The following TEAD1 variants were observed in gnomAD, a reference collection of about 807,000 sequenced individuals.
The protein encoded by TEAD1 is TEA domain transcription factor 1, also known as transcriptional enhancer factor TEF-1.
TEAD1 carries 9 observed loss-of-function variants against 54.9 expected under a neutral mutation model. The ratio of observed to expected loss-of-function variants is 0.16; its 90% CI spans 0.10 to 0.29. The LOEUF is 0.29. TEAD1 is among the 10% of genes least tolerant of loss of function. TEAD1 has a pLI of 1.00. For missense variants in TEAD1, 387 were observed against 535.9 expected (o/e 0.72, Z 2.74); for synonymous variants, 200 against 187.8 (o/e 1.07, Z -0.53).
At chr11:12,743,841 T>A (rs1321242856) in intron 2 of TEAD1, among the ~76,000 whole-genome samples, 1 of 152,198 alleles carries the variant, frequency 6.6e-6, no homozygotes, top group Non-Finnish European at 1.5e-5. Flanking sequence ...GCCCCTTGAT[T>A]TGCCGGACAC....
At chr11:12,738,249 T>C (rs771481888) in intron 2 of TEAD1, among the ~76,000 whole-genome samples, 2 of 152,252 alleles carry the variant, frequency 1.3e-5, no homozygotes, top group South Asian at 2.1e-4. Context: ...CCTTAAAGCA[T>C]GGAAAATGGA....
At chr11:12,796,098 G>A (rs1945913554) in intron 3 of TEAD1, among the ~76,000 whole-genome samples, 1 of 152,132 alleles carries the variant, frequency 6.6e-6, no homozygotes, top group African/African-American at 2.4e-5. Context: ...GGCCAGGAGG[G>A]GGGCTAGTGT....
chr11:12,809,886 G>A (rs1300127485), intron 3 of TEAD1, among the ~76,000 whole-genome samples: 2 of 151,990 alleles, frequency 1.3e-5, no homozygotes, highest in Non-Finnish European at 2.9e-5. Context: ...AAATGTTCCT[G>A]AGGCATGAAG....
intron 5 of TEAD1, among the ~76,000 whole-genome samples, chr11:12,869,973 G>A (rs989038910): frequency 6.6e-5 from 10 of 152,044 alleles, no homozygotes; most frequent in African/African-American, 7.2e-5. Context: ...TCCGCCTCCC[G>A]GGTTCAAGCG....
chr11:12,906,080 A>G (rs1358853978), intron 10 of TEAD1, among the ~76,000 whole-genome samples: 1 of 152,164 alleles, frequency 6.6e-6, no homozygotes, highest in Non-Finnish European at 1.5e-5. Flanking sequence ...TAACAGAGTC[A>G]AGGATGCCAG....
intron 2 of TEAD1, among the ~76,000 whole-genome samples, chr11:12,736,674 T>C (rs959696150): frequency 1.3e-5 from 2 of 152,158 alleles, no homozygotes; most frequent in Non-Finnish European, 2.9e-5. Flanking sequence ...CCTTATGGAG[T>C]GCAGTAGGCT....
At chr11:12,729,796 C>G (rs1590091677) in intron 2 of TEAD1, among the ~76,000 whole-genome samples, 1 of 152,142 alleles carries the variant, frequency 6.6e-6, no homozygotes, top group Non-Finnish European at 1.5e-5. Context: ...TGCTGAAATG[C>G]CCTCACGATA....
intron 3 of TEAD1, among the ~76,000 whole-genome samples, chr11:12,807,241 C>G (rs1215521699): frequency 6.6e-6 from 1 of 152,200 alleles, no homozygotes; most frequent in Non-Finnish European, 1.5e-5. Flanking sequence ...GAAAGTGCAG[C>G]TGGTCAACCT....
intron 2 of TEAD1, among the ~76,000 whole-genome samples, chr11:12,678,138 T>G (rs771109729): frequency 6.6e-6 from 1 of 152,190 alleles, no homozygotes; most frequent in Admixed American, 6.5e-5. Flanking sequence ...GGTAAAACTT[T>G]AGGGTCTGTT....
At chr11:12,810,431 G>C (rs1946277180) in intron 3 of TEAD1, among the ~76,000 whole-genome samples, 1 of 152,176 alleles carries the variant, frequency 6.6e-6, no homozygotes, top group Non-Finnish European at 1.5e-5. Flanking sequence ...TCTACTCAGA[G>C]ACATTCTCCC....
chr11:12,931,086 T>G (rs1170627050), intron 12 of TEAD1, among the ~76,000 whole-genome samples: 1 of 152,134 alleles, frequency 6.6e-6, no homozygotes, highest in African/African-American at 2.4e-5. Context: ...GGTGACATAG[T>G]GACACCCTAT....
At chr11:12,811,630 G>A (rs995519242) in intron 3 of TEAD1, among the ~76,000 whole-genome samples, 6 of 151,810 alleles carry the variant, frequency 4.0e-5, no homozygotes, top group East Asian at 1.9e-4. Context: ...GGAGAGGGGC[G>A]TCTGTGGTCT....
rs1438687258 is a variant in TEAD1, at chr11:12,908,138, T to C, written c.873+6025T>C. ...GCCAATTCTTAGAGTAGGAACATGATTCTGTCTAACAGAGGATAGTCCAGG... is the reference window on the plus strand; with the variant it reads ...GCCAATTCTTAGAGTAGGAACATGACTCTGTCTAACAGAGGATAGTCCAGG... On this transcript the variant is annotated intron_variant, in intron 10 of 12. Transcript: ENST00000527636. Among the ~76,000 whole-genome samples the C allele has an allele frequency of 2.6e-5, 4 of 152,176 alleles. No homozygotes were observed. In the East Asian group the frequency reaches 7.7e-4, roughly 29 times the overall value.
chr11:12,833,551 G>A (rs1662730703), intron 3 of TEAD1, among the ~76,000 whole-genome samples: 1 of 151,972 alleles, frequency 6.6e-6, no homozygotes, highest in African/African-American at 2.4e-5. Context: ...ATCTGAAAAT[G>A]TGGAATTTGC....
At chr11:12,728,327 G>A (rs781482544) in intron 2 of TEAD1, among the ~76,000 whole-genome samples, 9 of 151,976 alleles carry the variant, frequency 5.9e-5, no homozygotes, top group Non-Finnish European at 1.2e-4. Flanking sequence ...CTCTAACACC[G>A]TGGCAACATT....
chr11:12,792,891 A>G (rs1250245067), intron 3 of TEAD1, among the ~76,000 whole-genome samples: 2 of 152,140 alleles, frequency 1.3e-5, no homozygotes, highest in Non-Finnish European at 2.9e-5. Flanking sequence ...CCCCATCTCT[A>G]CAAAAAATTA....
intron 3 of TEAD1, among the ~76,000 whole-genome samples, chr11:12,775,480 A>G (rs1024578138): frequency 3.9e-5 from 6 of 152,040 alleles, no homozygotes; most frequent in South Asian, 2.1e-4. Context: ...GTGGCCTTCC[A>G]TTTTACGTGA....
chr11:12,819,593 C>T (rs910671170), intron 3 of TEAD1, among the ~76,000 whole-genome samples: 8 of 152,142 alleles, frequency 5.3e-5, no homozygotes, highest in South Asian at 4.2e-4. Context: ...GGACTACAGG[C>T]GCCCGCCACC....
Position 12,879,914 on chromosome 11 carries a change from C to A in TEAD1, c.465+72C>A. 2 of 1,603,646 alleles carry A rather than the reference C, an allele frequency of 1.2e-6. 1 individual carries two copies. On this transcript the variant is annotated intron_variant, in intron 6 of 12. Transcript: ENST00000527636. ...TTGGCATGTGCCAGTGTTAAGCCTC[C>A]CACCTCCATTTCTTGTCATGTGGGT...
Sources: allele counts gnomAD v4.1 joint callset (sites outside exome capture counted in the v4.1 genomes callset), GRCh38; gene constraint gnomAD v4.1.1; transcripts MANE v1.5; gene names NCBI Gene and HGNC (gene_info 2026-07-23, HGNC 2026-07-21).